DNAH10: variants seen among roughly 807,000 people sequenced by gnomAD.
DNAH10 encodes axonemal beta dynein heavy chain 10.
A neutral mutation model predicts 506.6 loss-of-function variants in DNAH10; 348 were observed. The observed-to-expected ratio is 0.69, with a 90% CI of 0.63 to 0.75. The LOEUF is 0.75. DNAH10 is among the 30% of genes least tolerant of loss of function. The pLI is 0.00. For synonymous variants in DNAH10, 2,059 were observed against 2,198.6 expected (o/e 0.94, Z 1.78); for missense variants, 5,179 against 5,787.1 (o/e 0.89, Z 3.41).
intron 58 of DNAH10, among the ~76,000 whole-genome samples, chr12:123,910,288 C>T (rs1378661615): frequency 2.6e-5 from 4 of 152,172 alleles, no homozygotes; most frequent in African/African-American, 4.8e-5. Context: ...CTCCGTTACG[C>T]CCTGGGTCTC....
chr12:123,768,849 C>G (rs1957145749), intron 2 of DNAH10, among the ~76,000 whole-genome samples: 1 of 152,074 alleles, frequency 6.6e-6, no homozygotes, highest in Admixed American at 6.5e-5. Context: ...AGCAATCCTC[C>G]TGACTCAGGC....
In DNAH10 at chr12:123,917,145, T is replaced by G. The variant is rs1411966281; in HGVS notation, c.11002+409T>G. Among the ~76,000 whole-genome samples, 1 of 151,282 alleles carries G rather than the reference T, an allele frequency of 6.6e-6. No homozygotes were observed. Among genetic ancestry groups the G allele is most frequent in the African/African-American group, 2.4e-5 (1 of 41,008 alleles). Reference sequence around the variant, plus strand: ...CTGTCATGCTCCTGCTTAAATAGGCTAATTTGATTTGGATGTACTTTCTTT... The same window carrying G: ...CTGTCATGCTCCTGCTTAAATAGGCGAATTTGATTTGGATGTACTTTCTTT... On this transcript the variant is annotated intron_variant, in intron 63 of 78. Coordinates refer to ENST00000673944, the MANE Select transcript of DNAH10 (RefSeq NM_001372106.1). The surrounding 1 kb of genome is among the most constrained non-coding windows in gnomAD (Gnocchi z 5.6).
chr12:123,816,211 A>G (rs959192581), intron 21 of DNAH10, among the ~76,000 whole-genome samples: 4 of 152,206 alleles, frequency 2.6e-5, no homozygotes, highest in African/African-American at 7.2e-5. Flanking sequence ...TGTCTTTTGT[A>G]TGCAAGTGAA....
At position 123,898,593 on chromosome 12, in the gene DNAH10, G is replaced by GT. The variant is rs2137243704; in HGVS notation, c.9479-59dup. The stretch of plus-strand genomic sequence containing the variant: ...ATAAGCTGAAGTTAGGCAAATCTCA[G>GT]TGATTGTGTTGCGAACAGTGGCCAC... On this transcript the variant is annotated intron_variant, in intron 55 of 78. Transcript: ENST00000673944. 2.1e-6 allele frequency: 3 copies of GT among 1,433,342 alleles called. No homozygotes were observed. In the South Asian group the frequency reaches 4.4e-5, roughly 21 times the overall value. 88.8% of individuals were successfully genotyped at this position (1,433,342 alleles called of 1,614,324 possible).
At chr12:123,825,890 G>T (rs1017715043) in intron 24 of DNAH10, among the ~76,000 whole-genome samples, 1 of 152,164 alleles carries the variant, frequency 6.6e-6, no homozygotes, top group Non-Finnish European at 1.5e-5. Flanking sequence ...GGAGGCTAAG[G>T]CAGGAGGATT....
chr12:123,920,073 TA>T (rs1954660423), intron 65 of DNAH10, among the ~76,000 whole-genome samples: 1 of 152,232 alleles, frequency 6.6e-6, no homozygotes, highest in African/African-American at 2.4e-5. Flanking sequence ...TTTAAACCCC[TA>T]AATCATTGAT....
intron 51 of DNAH10, 105 bp from the exon 52 acceptor site, chr12:123,887,037 C>A: frequency 1.4e-6 from 2 of 1,386,370 alleles, no homozygotes; most frequent in Non-Finnish European, 1.9e-6. Context: ...CGAGCTTGGA[C>A]AGACCCACGC....
At chr12:123,834,074 T>C (rs1031780720) in intron 27 of DNAH10, among the ~76,000 whole-genome samples, 4 of 152,220 alleles carry the variant, frequency 2.6e-5, no homozygotes, top group Non-Finnish European at 5.9e-5. Context: ...CCTGGTTCAC[T>C]GGCCAACTGT....
Position 123,762,473 on chromosome 12 carries a change from A to G in DNAH10, c.137A>G (p.Gln46Arg). 2 of 1,504,460 alleles carry G rather than the reference A, an allele frequency of 1.3e-6. No individual in the cohort carries two copies. Among genetic ancestry groups the G allele is most frequent in the Non-Finnish European group, 8.9e-7 (1 of 1,122,516 alleles). 93.2% of individuals were successfully genotyped at this position (1,504,460 alleles called of 1,614,324 possible). A position where few individuals can be genotyped will look rare whatever the true frequency, so the allele number is the denominator to read the frequency against. The change falls in exon 1 of 79, where the codon CAG becomes CGG. Residue 46 changes from glutamine to arginine, a missense_variant. By Grantham distance (43) the Gln-to-Arg change is conservative. Transcript: ENST00000673944. The surrounding 1 kb of genome is among the most constrained non-coding windows in gnomAD (Gnocchi z 5.0). ...GACCTCATCTTGCACTTCCTCAACC[A>G]GGCGAGCGAGGAGGAGGGGCCCTCG... is the stretch of plus-strand genomic sequence containing the variant. ...GEDLILHFLN[Q>R]ASEEEGPSAL...
At position 123,913,290 on chromosome 12, in the gene DNAH10, T is replaced by A. The variant is rs751551958; in HGVS notation, c.10327T>A (p.Ser3443Thr). The A allele has an allele frequency of 1.2e-5, 19 of 1,602,690 alleles. No homozygotes were observed. The highest frequency in any genetic ancestry group is 1.4e-5 in the Non-Finnish European group (16 of 1,175,272). The change falls in exon 60 of 79, where the codon TCG (serine) becomes ACG (threonine). Residue 3443 changes from serine (S) to threonine (T), a missense_variant. By Grantham distance (58) the Ser-to-Thr change is moderately conservative (BLOSUM62 1). Transcript: ENST00000673944. The surrounding 1 kb of genome is among the most constrained non-coding windows in gnomAD (Gnocchi z 5.1). The stretch of plus-strand genomic sequence containing the variant: ...GCTGATTGCCGCAGACAAACTCATC[T>A]CGGGTCTGGGGTCAGAAAACATCAG... ...RRLIAADKLI[S>T]GLGSENIRWL...
At chr12:123,778,203 TA>T (rs11295919) in intron 5 of DNAH10, among the ~76,000 whole-genome samples, 105,437 of 145,528 alleles carry the variant, frequency 0.72, 38,182 homozygotes, top group East Asian at 0.99. Context: ...ACTCCATCTC[TA>T]AAAAAAAAAA....
intron 19 of DNAH10, among the ~76,000 whole-genome samples, chr12:123,809,586 G>A (rs1315496449): frequency 6.6e-6 from 1 of 152,010 alleles, no homozygotes; most frequent in South Asian, 2.1e-4. Flanking sequence ...GAGTTCAAGG[G>A]TACAGTGAGG....
At chr12:123,868,447 C>T (rs557243416) in intron 43 of DNAH10, among the ~76,000 whole-genome samples, 117 of 152,294 alleles carry the variant, frequency 7.7e-4, no homozygotes, top group Non-Finnish European at 1.4e-3. Flanking sequence ...GTGGGCTTCC[C>T]TATCTGTCTT....
At chr12:123,810,531 C>G (rs1958890951) in intron 19 of DNAH10, among the ~76,000 whole-genome samples, 1 of 152,006 alleles carries the variant, frequency 6.6e-6, no homozygotes, top group South Asian at 2.1e-4. Flanking sequence ...AATACACACA[C>G]ATACACACAA....
In DNAH10 at chr12:123,820,728, G is replaced by A. The variant is rs958991942; in HGVS notation, c.4149G>A (p.Arg1383=). The change falls in exon 24 of 79, where the codon AGG becomes AGA. Residue 1383 remains arginine (R), a synonymous_variant. Transcript: ENST00000673944. The part of the protein sequence containing the change: ...LKVQKEMSGL[R]MIYELYEGLK... ...TGCAGAAGGAAATGAGTGGGCTGAG[G>A]ATGATTTACGAGCTCTATGAAGGAC... 3.7e-6 allele frequency: 6 copies of A among 1,613,868 alleles called. No homozygotes were observed. The highest frequency in any genetic ancestry group is 5.1e-6 in the Non-Finnish European group (6 of 1,179,894).
chr12:123,886,694 G>T (rs1378370222), intron 51 of DNAH10, among the ~76,000 whole-genome samples: 1 of 149,616 alleles, frequency 6.7e-6, no homozygotes. Flanking sequence ...TCTGACAGTC[G>T]CTGGTTGCAA....
intron 38 of DNAH10, among the ~76,000 whole-genome samples, chr12:123,859,555 T>A (rs530341592): frequency 2.0e-4 from 31 of 152,338 alleles, no homozygotes; most frequent in African/African-American, 7.0e-4. Context: ...AAAATGAATG[T>A]AAGTCATAGT....
chr12:123,914,642 G>C, intron 61 of DNAH10, 92 bp downstream of exon 61: 1 of 1,444,956 alleles, frequency 6.9e-7, no homozygotes, highest in Non-Finnish European at 9.3e-7. Context: ...AATGGCCTGG[G>C]GGGCATCACC....
intron 2 of DNAH10, 101 bp downstream of exon 2, chr12:123,767,790 C>T: frequency 6.2e-6 from 6 of 973,990 alleles, no homozygotes; most frequent in East Asian, 2.7e-5. Flanking sequence ...TGTACTTTCA[C>T]TGGGTATGAA....
Sources: allele counts gnomAD v4.1 joint callset (sites outside exome capture counted in the v4.1 genomes callset), GRCh38; gene constraint gnomAD v4.1.1; non-coding constraint Gnocchi (gnomAD v3.1); transcripts MANE v1.5; gene names NCBI Gene and HGNC (gene_info 2026-07-23, HGNC 2026-07-21).